HDHD2: variants seen among roughly 807,000 people sequenced by gnomAD.
HDHD2 encodes the protein haloacid dehalogenase-like hydrolase domain-containing protein 2.
In HDHD2, 26 loss-of-function variants were observed where a neutral mutation model predicts 24.8. That is an observed-to-expected ratio of 1.05 (90% confidence interval 0.77 to 1.45). The LOEUF is 1.45. Ranked by LOEUF, HDHD2 falls within the 40% of genes most tolerant of loss-of-function variation. The pLI is 0.00. For synonymous variants in HDHD2, 128 were observed against 114.9 expected, an observed-to-expected ratio of 1.11 and a Z score of -0.73; for missense variants, 299 against 313.4, an observed-to-expected ratio of 0.95 and a Z score of 0.35.
rs145081850 is a variant in HDHD2, at chr18:47,110,408, C to T, written c.677-1623G>A. On this transcript the variant is annotated intron_variant, in intron 6 of 6. Transcript: ENST00000300605. Reference sequence around the variant, plus strand: ...CAGTTTTCTTCCCAAGCTTAAATATCGTTAGTATAAACTCCTTCACAAGGT... The same window carrying T: ...CAGTTTTCTTCCCAAGCTTAAATATTGTTAGTATAAACTCCTTCACAAGGT... The T allele has an allele frequency of 6.1e-4, 598 of 985,276 alleles. 6 individuals carry two copies. In the African/African-American group the frequency reaches 9.1e-3, roughly 15 times the overall value. 61.0% of individuals were successfully genotyped at this position (985,276 alleles called of 1,614,324 possible).
At chr18:47,128,377 G>T (rs569427928) in intron 4 of HDHD2, among the ~76,000 whole-genome samples, 1 of 152,266 alleles carries the variant, frequency 6.6e-6, no homozygotes, top group Non-Finnish European at 1.5e-5. Context: ...TGAGTGAAAA[G>T]TAGTAGAAGT....
intron 3 of HDHD2, among the ~76,000 whole-genome samples, chr18:47,132,856 A>C (rs1327386756): frequency 3.9e-5 from 6 of 152,216 alleles, no homozygotes; most frequent in Non-Finnish European, 7.3e-5. Context: ...TGTTCAATGT[A>C]AAAACTTCAC....
intron 4 of HDHD2, among the ~76,000 whole-genome samples, chr18:47,122,890 A>T (rs545528358): frequency 6.1e-4 from 89 of 145,648 alleles, no homozygotes; most frequent in South Asian, 1.9e-3. Flanking sequence ...ATCAGAATTT[A>T]AAAAAAAAAA....
At chr18:47,137,804 T>C (rs1156813034) in intron 1 of HDHD2, among the ~76,000 whole-genome samples, 1 of 151,412 alleles carries the variant, frequency 6.6e-6, no homozygotes. Context: ...CAGGGATAAA[T>C]TACTCAAAAA....
intron 6 of HDHD2, chr18:47,111,094 C>A (rs1351492594): frequency 1.0e-6 from 1 of 985,250 alleles, no homozygotes; most frequent in Non-Finnish European, 1.2e-6. Context: ...TAGGGTTATT[C>A]ATGATTTTTC....
chr18:47,121,997 T>C (rs2063611629), intron 4 of HDHD2, among the ~76,000 whole-genome samples: 1 of 152,168 alleles, frequency 6.6e-6, no homozygotes, highest in Admixed American at 6.5e-5. Context: ...TCAACCCCTT[T>C]TTTCCTTCAT....
In HDHD2 at chr18:47,115,131, CA is replaced by C. The variant is rs759249455; in HGVS notation, c.612del (p.Asp204GlufsTer19). The C allele has an allele frequency of 1.3e-5, 21 of 1,610,754 alleles. No homozygotes were observed. The highest frequency in any genetic ancestry group is 1.7e-5 in the Admixed American group (1 of 59,980). On this transcript the variant is annotated frameshift_variant and splice_region_variant, in exon 5 of 7. Coordinates refer to ENST00000300605, the MANE Select transcript of HDHD2 (RefSeq NM_032124.5). LOFTEE classifies it high-confidence loss of function. ...CEPEEAVMIG[D>X]DCRDDVGGAQ... is the part of the protein sequence containing the mutation. ...AGCACCTCCTGGGTTCTTCTACTTA[CA>C]TCTCCTATCATGACAGCCTCCTCAG...
rs1156493407 is a variant in HDHD2 at position 47,111,258 on chromosome 18, T to C, written c.676+1719A>G. On this transcript the variant is annotated intron_variant, in intron 6 of 6. Transcript: ENST00000300605. ...AAGGCTGGTCACAATAAAATGCCAGTCACAATAGACGACAGAGCCAGTGGA... is the reference window on the plus strand; with the variant it reads ...AAGGCTGGTCACAATAAAATGCCAGCCACAATAGACGACAGAGCCAGTGGA... The C allele has an allele frequency of 4.1e-6, 4 of 984,548 alleles. No individual in the cohort carries two copies. The African/African-American group carries it at 7.0e-5, about 17-fold the overall frequency. The allele number at this position is 984,548 out of a possible 1,614,324, so 61.0% of individuals were successfully genotyped here. A position where few individuals can be genotyped will look rare whatever the true frequency, so the allele number is the denominator to read the frequency against.
intron 4 of HDHD2, among the ~76,000 whole-genome samples, chr18:47,127,583 A>G (rs2063671272): frequency 6.6e-6 from 1 of 152,104 alleles, no homozygotes; most frequent in Non-Finnish European, 1.5e-5. Flanking sequence ...TCCTAATAGT[A>G]ATCATTGAGT....
chr18:47,121,036 T>C (rs2063601257), intron 4 of HDHD2, among the ~76,000 whole-genome samples: 1 of 150,992 alleles, frequency 6.6e-6, no homozygotes, highest in Non-Finnish European at 1.5e-5. Context: ...AGACACAAAG[T>C]GAGCACATAC....
chr18:47,130,583 GTAC>G (rs377699367), intron 3 of HDHD2, among the ~76,000 whole-genome samples: 2 of 152,258 alleles, frequency 1.3e-5, no homozygotes, highest in African/African-American at 2.4e-5. Flanking sequence ...AGTCTTAAGG[GTAC>G]TAAGTAACCA....
chr18:47,130,793 A>C (rs2063706557), intron 3 of HDHD2, among the ~76,000 whole-genome samples: 1 of 152,242 alleles, frequency 6.6e-6, no homozygotes, highest in African/African-American at 2.4e-5. Flanking sequence ...AACTGAGGTT[A>C]ACACATTCAT....
At chr18:47,142,088 TTG>T (rs2063824587) in intron 1 of HDHD2, among the ~76,000 whole-genome samples, 1 of 152,174 alleles carries the variant, frequency 6.6e-6, no homozygotes, top group African/African-American at 2.4e-5. Context: ...CAATGTGGAA[TTG>T]TGAGTCCATT....
intron 2 of HDHD2, among the ~76,000 whole-genome samples, chr18:47,135,167 A>C (rs2063752406): frequency 6.6e-6 from 1 of 152,108 alleles, no homozygotes; most frequent in African/African-American, 2.4e-5. Flanking sequence ...TGATTCCCCA[A>C]ATGAAAGGTA....
At position 47,133,765 on chromosome 18, in the gene HDHD2, G is replaced by A. The variant is rs564924084; in HGVS notation, c.310+731C>T. 2.0e-5 allele frequency among the ~76,000 whole-genome samples: 3 copies of A among 152,180 alleles called. No homozygotes were observed. The South Asian group carries it at 6.2e-4, about 32-fold the overall frequency. Reference sequence around the variant, plus strand: ...GCATTTTTTCATGTGTCTTTTGACTGCATAAATGTCTCCTTTTGAGAAGTG... The same window carrying A: ...GCATTTTTTCATGTGTCTTTTGACTACATAAATGTCTCCTTTTGAGAAGTG... On this transcript the variant is annotated intron_variant, in intron 3 of 6. Coordinates refer to ENST00000300605, the MANE Select transcript of HDHD2 (RefSeq NM_032124.5).
intron 5 of HDHD2, among the ~76,000 whole-genome samples, chr18:47,114,482 C>A (rs1831798691): frequency 6.6e-6 from 1 of 152,198 alleles, no homozygotes; most frequent in Admixed American, 6.5e-5. Flanking sequence ...TCCTGGCCAC[C>A]AATTTACCAT....
chr18:47,136,562 A>G, intron 1 of HDHD2, 113 bp from the exon 2 acceptor site: 1 of 758,118 alleles, frequency 1.3e-6, no homozygotes, highest in Non-Finnish European at 1.9e-6. Flanking sequence ...CTTAGTGTTA[A>G]GCTGCTTCCA....
intron 2 of HDHD2, 31 bp from the exon 3 acceptor site, chr18:47,134,735 G>T: frequency 1.9e-6 from 3 of 1,570,138 alleles, no homozygotes; most frequent in Non-Finnish European, 2.6e-6. Flanking sequence ...AAGTCAAAAG[G>T]CAGCTTTTAC....
At chr18:47,112,080 G>A (rs2063520208) in intron 6 of HDHD2, among the ~76,000 whole-genome samples, 1 of 152,190 alleles carries the variant, frequency 6.6e-6, no homozygotes, top group Non-Finnish European at 1.5e-5. Flanking sequence ...TGCAGCAGGT[G>A]CCATTTGGGG....
Sources: gnomAD v4.1 joint callset for allele counts (sites outside exome capture counted in the v4.1 genomes callset) on GRCh38, gnomAD v4.1.1 for gene constraint, MANE v1.5 for transcripts, NCBI Gene and HGNC (gene_info 2026-07-23, HGNC 2026-07-21) for gene names.